The following MAP3K20 variants were observed in gnomAD, a reference collection of about 807,000 sequenced individuals.
MAP3K20 encodes the protein mitogen-activated protein kinase kinase kinase 20.
MAP3K20 carries 40 observed loss-of-function variants against 85.7 expected under a neutral mutation model. That is an observed-to-expected ratio of 0.47 (90% CI 0.36 to 0.61). MAP3K20 has a LOEUF of 0.61. Ranked by LOEUF, MAP3K20 falls within the 20% of genes least tolerant of loss-of-function variation. The pLI, the probability that MAP3K20 is intolerant of heterozygous loss-of-function variation, is 0.00. For missense variants in MAP3K20, 817 were observed against 961.7 expected (o/e 0.85, Z 1.99); for synonymous variants, 325 against 327.7 (o/e 0.99, Z 0.09).
At chr2:173,179,116 A>G (rs2358086) in intron 3 of MAP3K20, among the ~76,000 whole-genome samples, 141,231 of 152,186 alleles carry the variant, frequency 0.93, 66,115 homozygotes, top group Non-Finnish European at 0.99. Flanking sequence ...AATATCGGCC[A>G]GGCACAGTGG....
intron 11 of MAP3K20, chr2:173,221,058 G>T (rs1684230955): frequency 2.7e-6 from 3 of 1,097,918 alleles, no homozygotes; most frequent in Non-Finnish European, 3.7e-6. Context: ...TACCTCCTGT[G>T]TAGTGCCAAC....
intron 2 of MAP3K20, among the ~76,000 whole-genome samples, chr2:173,132,563 A>C (rs1688648511): frequency 6.6e-6 from 1 of 152,000 alleles, no homozygotes; most frequent in Non-Finnish European, 1.5e-5. Context: ...CACCCAGGAG[A>C]GTTAAAGTTT....
chr2:173,209,154 G>GT (rs1252132038), intron 9 of MAP3K20, among the ~76,000 whole-genome samples: 1 of 152,166 alleles, frequency 6.6e-6, no homozygotes, highest in Admixed American at 6.5e-5. Flanking sequence ...TGTCATGGAG[G>GT]TTTGGAGTAC....
intron 2 of MAP3K20, among the ~76,000 whole-genome samples, chr2:173,142,183 A>G (rs1304708921): frequency 2.6e-5 from 4 of 152,202 alleles, no homozygotes; most frequent in African/African-American, 9.6e-5. Context: ...GTTAAAATAT[A>G]TAACACATGG....
intron 2 of MAP3K20, among the ~76,000 whole-genome samples, chr2:173,168,796 A>G (rs1396333362): frequency 6.6e-6 from 1 of 152,250 alleles, no homozygotes; most frequent in East Asian, 1.9e-4. Context: ...AAGTCATAAA[A>G]TATTGATGAA....
chr2:173,264,840 CAG>C (rs1336685562), intron 19 of MAP3K20, among the ~76,000 whole-genome samples: 2 of 151,872 alleles, frequency 1.3e-5, no homozygotes, highest in Non-Finnish European at 2.9e-5. Context: ...AAGTGGCGGT[CAG>C]GGGGCAGGGG....
intron 2 of MAP3K20, among the ~76,000 whole-genome samples, chr2:173,154,326 G>A (rs1200735463): frequency 6.6e-6 from 1 of 152,170 alleles, no homozygotes; most frequent in Middle Eastern, 3.2e-3. Flanking sequence ...TTGGACTATA[G>A]GCGTGTGCCA....
At chr2:173,127,553 A>T (rs1688477610) in intron 2 of MAP3K20, among the ~76,000 whole-genome samples, 1 of 152,202 alleles carries the variant, frequency 6.6e-6, no homozygotes, top group Non-Finnish European at 1.5e-5. Context: ...AGATAGGAGA[A>T]AAAGTTAAAA....
chr2:173,186,196 A>T (rs573314739), intron 4 of MAP3K20, among the ~76,000 whole-genome samples: 2 of 152,294 alleles, frequency 1.3e-5, no homozygotes, highest in African/African-American at 4.8e-5. Flanking sequence ...CTTACTTGTC[A>T]GCAAGTGTAG....
At chr2:173,094,639 A>G (rs61032750) in intron 2 of MAP3K20, among the ~76,000 whole-genome samples, 9,975 of 152,184 alleles carry the variant, frequency 0.066, 975 homozygotes, top group East Asian at 0.53. Context: ...AGTGTTTTGT[A>G]TAATGTCCCT....
chr2:173,098,647 A>G (rs1348384425), intron 2 of MAP3K20, among the ~76,000 whole-genome samples: 1 of 152,206 alleles, frequency 6.6e-6, no homozygotes, highest in Non-Finnish European at 1.5e-5. Flanking sequence ...GTACTTTCAA[A>G]TGTACTCTTT....
chr2:173,242,116 A>C (rs1484436901), intron 16 of MAP3K20, among the ~76,000 whole-genome samples: 1 of 152,168 alleles, frequency 6.6e-6, no homozygotes, highest in Non-Finnish European at 1.5e-5. Context: ...GTGGTAAAAG[A>C]AGAGAGAAAA....
chr2:173,134,413 TATATATATATATA>T lies in MAP3K20; in HGVS notation c.160-35391_160-35379del, dbSNP rs1433039618. 4.8e-3 allele frequency among the ~76,000 whole-genome samples: 62 copies of T among 12,848 alleles called. 1 individual carries two copies. Among genetic ancestry groups the T allele is most frequent in the Non-Finnish European group, 7.3e-3 (38 of 5,176 alleles). 8.4% of individuals were successfully genotyped at this position (12,848 alleles called of 152,430 possible). On this transcript the variant is annotated intron_variant, in intron 2 of 19. Transcript: ENST00000375213. ...CTATACATATATATATATATATATATATATATATATATATATTTTTTTTTTTTTTTTTTTGCAG... is the reference window on the plus strand; with the variant it reads ...CTATACATATATATATATATATATATTATTTTTTTTTTTTTTTTTTTGCAG...
chr2:173,201,899 C>T (rs1409655591), intron 8 of MAP3K20, among the ~76,000 whole-genome samples: 4 of 152,068 alleles, frequency 2.6e-5, no homozygotes, highest in Admixed American at 1.3e-4. Flanking sequence ...GTAATGACTT[C>T]GATGTGGTAT....
intron 2 of MAP3K20, among the ~76,000 whole-genome samples, chr2:173,144,173 A>C (rs1287343433): frequency 6.6e-6 from 1 of 151,976 alleles, no homozygotes; most frequent in Non-Finnish European, 1.5e-5. Flanking sequence ...AAATAAAAGA[A>C]AGAAAGAAGG....
At chr2:173,154,787 G>T (rs1179014984) in intron 2 of MAP3K20, among the ~76,000 whole-genome samples, 1 of 152,058 alleles carries the variant, frequency 6.6e-6, no homozygotes, top group African/African-American at 2.4e-5. Context: ...TACATTTAAT[G>T]TTAAAACTCA....
intron 11 of MAP3K20, chr2:173,224,157 GACAAGGC>G: frequency 1.2e-6 from 1 of 862,560 alleles, no homozygotes; most frequent in Non-Finnish European, 1.4e-6. Flanking sequence ...CGGGAAGGAG[GACAAGGC>G]CCATGGGTGG....
chr2:173,242,849 G>C (rs1329201571), intron 16 of MAP3K20, among the ~76,000 whole-genome samples: 1 of 151,768 alleles, frequency 6.6e-6, no homozygotes, highest in Non-Finnish European at 1.5e-5. Context: ...TGGGATTATA[G>C]GGGCACACCA....
intron 16 of MAP3K20, among the ~76,000 whole-genome samples, chr2:173,253,007 G>A (rs906731325): frequency 2.6e-5 from 4 of 152,032 alleles, no homozygotes; most frequent in Non-Finnish European, 4.4e-5. Context: ...TTGCTGCTTG[G>A]CTGCATCTTC....
Sources: allele counts gnomAD v4.1 joint callset (sites outside exome capture counted in the v4.1 genomes callset), GRCh38; gene constraint gnomAD v4.1.1; transcripts MANE v1.5; gene names NCBI Gene and HGNC (gene_info 2026-07-23, HGNC 2026-07-21).